GC: variants seen among roughly 807,000 people sequenced by gnomAD.
GC encodes the protein GC vitamin D binding protein.
GC carries 43 observed loss-of-function variants against 56.7 expected under a neutral mutation model. The ratio of observed to expected loss-of-function variants is 0.76; its 90% CI spans 0.59 to 0.98. The LOEUF is 0.98. GC is among the 50% of genes least tolerant of loss of function. GC has a pLI of 0.00. For synonymous variants in GC, 216 were observed against 202.7 expected, an observed-to-expected ratio of 1.07 and a Z score of -0.56; for missense variants, 529 against 545.9, an observed-to-expected ratio of 0.97 and a Z score of 0.31.
intron 11 of GC, among the ~76,000 whole-genome samples, chr4:71,747,346 A>G (rs1246835141): frequency 1.3e-5 from 2 of 152,140 alleles, no homozygotes; most frequent in Non-Finnish European, 2.9e-5. Flanking sequence ...CAGTTGAGAA[A>G]ATGTAGTGCC....
upstream of GC, chr4:71,786,123 T>C (rs1742827526): frequency 6.6e-6 from 1 of 151,862 alleles, no homozygotes; most frequent in Admixed American, 6.6e-5. Context: ...GTAGCAAGAA[T>C]TGCAACATCT....
At chr4:71,761,690 T>G (rs1279025997) in intron 6 of GC, among the ~76,000 whole-genome samples, 2 of 152,180 alleles carry the variant, frequency 1.3e-5, no homozygotes, top group African/African-American at 4.8e-5. Flanking sequence ...AGGTATTTGG[T>G]GCCCTGCATT....
chr4:71,769,943 A>G (rs553506404), intron 1 of GC, among the ~76,000 whole-genome samples: 7 of 152,308 alleles, frequency 4.6e-5, no homozygotes, highest in Admixed American at 3.9e-4. Context: ...ATGCTCTGCT[A>G]CTTGGCTCCT....
chr4:71,798,619 C>A (rs1245648241), intron 1 of GC, among the ~76,000 whole-genome samples: 1 of 152,118 alleles, frequency 6.6e-6, no homozygotes, highest in Non-Finnish European at 1.5e-5. Flanking sequence ...TTCTCCAAAC[C>A]CAATCTCCTA....
At chr4:71,752,956 C>T (rs976522885) in intron 10 of GC, among the ~76,000 whole-genome samples, 1 of 152,120 alleles carries the variant, frequency 6.6e-6, no homozygotes, top group African/African-American at 2.4e-5. Flanking sequence ...TAACCTTTCA[C>T]CTTCTCTTCA....
At chr4:71,758,369 T>C (rs1741855289) in intron 6 of GC, among the ~76,000 whole-genome samples, 198 bp from the exon 7 acceptor site, 1 of 152,162 alleles carries the variant, frequency 6.6e-6, no homozygotes, top group Non-Finnish European at 1.5e-5. Flanking sequence ...CTAATGAATC[T>C]TTCCAAATTT....
intron 1 of GC, among the ~76,000 whole-genome samples, chr4:71,792,807 G>A (rs1261769664): frequency 6.6e-6 from 1 of 152,168 alleles, no homozygotes; most frequent in Non-Finnish European, 1.5e-5. Context: ...TAATATGTAA[G>A]CCTTTAATCC....
chr4:71,746,099 T>C (rs1741353517), intron 12 of GC, 52 bp downstream of exon 12: 6 of 746,112 alleles, frequency 8.0e-6, no homozygotes. Context: ...ATATTTAAAA[T>C]ACATCCTACA....
At chr4:71,761,214 C>A (rs941252988) in intron 6 of GC, among the ~76,000 whole-genome samples, 1 of 152,100 alleles carries the variant, frequency 6.6e-6, no homozygotes, top group Admixed American at 6.5e-5. Flanking sequence ...AAATGAGGAG[C>A]TTTTTGGGAA....
At chr4:71,794,141 G>T (rs565232063) in intron 1 of GC, among the ~76,000 whole-genome samples, 1 of 152,238 alleles carries the variant, frequency 6.6e-6, no homozygotes, top group East Asian at 1.9e-4. Context: ...TCTCTGCCAG[G>T]CTTTGGTATC....
intron 1 of GC, among the ~76,000 whole-genome samples, chr4:71,778,301 T>G (rs1427211571): frequency 4.6e-5 from 7 of 151,970 alleles, no homozygotes; most frequent in Admixed American, 4.6e-4. Context: ...TTGCCTATTT[T>G]AAATGTAAAG....
intron 6 of GC, among the ~76,000 whole-genome samples, chr4:71,760,210 A>ATTTTT (rs371580776): frequency 2.8e-5 from 4 of 140,708 alleles, no homozygotes; most frequent in African/African-American, 2.6e-5. Flanking sequence ...TGCCTGGCTA[A>ATTTTT]TTTTTTTTTT....
intron 1 of GC, among the ~76,000 whole-genome samples, chr4:71,797,272 CA>C (rs1212156559): frequency 6.6e-6 from 1 of 152,248 alleles, no homozygotes; most frequent in African/African-American, 2.4e-5. Context: ...GCCTTTTGTT[CA>C]GCTACACCCT....
intron 10 of GC, among the ~76,000 whole-genome samples, chr4:71,753,393 G>A (rs960282430): frequency 2.6e-5 from 4 of 151,866 alleles, no homozygotes; most frequent in African/African-American, 9.7e-5. Flanking sequence ...AAAGGGTAAG[G>A]GGGACCAGTT....
chr4:71,802,529 G>C (rs903834261), intron 1 of GC, among the ~76,000 whole-genome samples: 1 of 152,172 alleles, frequency 6.6e-6, no homozygotes, highest in Non-Finnish European at 1.5e-5. Context: ...GGGGCTGCAT[G>C]CCCATAAACC....
chr4:71,745,295 G>T (rs1741329822), intron 12 of GC, among the ~76,000 whole-genome samples: 1 of 152,120 alleles, frequency 6.6e-6, no homozygotes, highest in Non-Finnish European at 1.5e-5. Context: ...CATCCCCCTT[G>T]TACTGGTTCT....
intron 3 of GC, among the ~76,000 whole-genome samples, chr4:71,766,057 A>C (rs1314498294): frequency 6.6e-6 from 1 of 152,122 alleles, no homozygotes; most frequent in Non-Finnish European, 1.5e-5. Flanking sequence ...CCCCAATAAG[A>C]GTGAGGAGGA....
chr4:71,786,807 CT>C (rs1421763809), upstream of GC, among the ~76,000 whole-genome samples: 1 of 151,878 alleles, frequency 6.6e-6, no homozygotes, highest in Non-Finnish European at 1.5e-5. Context: ...TCTAAAAACT[CT>C]TGCAGTACTC....
chr4:71,752,564 G>T lies in GC; in HGVS notation c.1349C>A (p.Ser450Tyr), dbSNP rs762130017. ...KLVNKHSDFASNCCSINSPPL... is the reference protein window; with the variant it reads ...KLVNKHSDFAYNCCSINSPPL... ...AGGTGAGTTTATGGAACAGCAGTTGGAGGCAAAGTCTGAGTGCTTGTTAAC... is the reference window on the plus strand; with the variant it reads ...AGGTGAGTTTATGGAACAGCAGTTGTAGGCAAAGTCTGAGTGCTTGTTAAC... Residue 450 changes from serine (S) to tyrosine (Y), a missense_variant, in exon 11 of 13, where the codon TCC (serine) becomes TAC (tyrosine). Physicochemically the swap from Ser to Tyr is moderately radical, Grantham distance 144. Transcript: ENST00000273951. The T allele has an allele frequency of 4.3e-6, 7 of 1,613,394 alleles. No homozygotes were observed. The Admixed American group carries it at 1.2e-4, about 27-fold the overall frequency.
Sources: gnomAD v4.1 joint callset for allele counts (sites outside exome capture counted in the v4.1 genomes callset) on GRCh38, gnomAD v4.1.1 for gene constraint, MANE v1.5 for transcripts, NCBI Gene and HGNC (gene_info 2026-07-23, HGNC 2026-07-21) for gene names.